The following ARB2A variants were observed in gnomAD, a reference collection of about 807,000 sequenced individuals.
The protein encoded by ARB2A is ARB2 cotranscriptional regulator A, also known as cotranscriptional regulator ARB2A.
chr5:93,798,407 C>T, the ARB2A span, among the ~76,000 whole-genome samples: 2 of 152,072 alleles, frequency 1.3e-5, no homozygotes, highest in Non-Finnish European at 2.9e-5. Flanking sequence ...ATTGATGCCA[C>T]TTTTTATTCA....
At chr5:94,088,593 T>A in the ARB2A span, among the ~76,000 whole-genome samples, 1 of 152,032 alleles carries the variant, frequency 6.6e-6, no homozygotes, top group African/African-American at 2.4e-5. Flanking sequence ...AGGCAGCAGA[T>A]ATCAGGAGTT....
At chr5:93,857,009 C>T in the ARB2A span, among the ~76,000 whole-genome samples, 1 of 152,132 alleles carries the variant, frequency 6.6e-6, no homozygotes, top group African/African-American at 2.4e-5. Context: ...CAGACAGGAC[C>T]CTCAGCTGCA....
the ARB2A span, among the ~76,000 whole-genome samples, chr5:93,977,927 A>G: frequency 1.3e-5 from 2 of 152,148 alleles, no homozygotes; most frequent in Non-Finnish European, 2.9e-5. Context: ...CAACCAAAAA[A>G]CAAATAACCT....
the ARB2A span, among the ~76,000 whole-genome samples, chr5:93,868,449 C>T: frequency 6.6e-6 from 1 of 152,158 alleles, no homozygotes; most frequent in Non-Finnish European, 1.5e-5. Context: ...ATTGATAAAG[C>T]CACAGTGTGC....
At chr5:94,029,400 A>G in the ARB2A span, among the ~76,000 whole-genome samples, 1 of 152,242 alleles carries the variant, frequency 6.6e-6, no homozygotes, top group African/African-American at 2.4e-5. Flanking sequence ...TGAAGAGACC[A>G]GGCCAATTAT....
At chr5:93,994,399 G>A in the ARB2A span, among the ~76,000 whole-genome samples, 1 of 152,168 alleles carries the variant, frequency 6.6e-6, no homozygotes, top group Non-Finnish European at 1.5e-5. Flanking sequence ...TATGCTAAGT[G>A]TAACAGGCCA....
At chr5:93,843,209 A>C in the ARB2A span, among the ~76,000 whole-genome samples, 1 of 152,172 alleles carries the variant, frequency 6.6e-6, no homozygotes, top group Non-Finnish European at 1.5e-5. Flanking sequence ...AGAGATTCCA[A>C]TTACTTTTTA....
chr5:93,984,449 T>C, the ARB2A span, among the ~76,000 whole-genome samples: 1 of 152,198 alleles, frequency 6.6e-6, no homozygotes, highest in African/African-American at 2.4e-5. Context: ...AGACTACAAC[T>C]ATACTTACGG....
At chr5:93,954,112 C>G in the ARB2A span, among the ~76,000 whole-genome samples, 1 of 152,154 alleles carries the variant, frequency 6.6e-6, no homozygotes, top group Non-Finnish European at 1.5e-5. Context: ...TGTTGGGGCT[C>G]TATCCCACTA....
the ARB2A span, among the ~76,000 whole-genome samples, chr5:93,915,302 T>C: frequency 6.6e-6 from 1 of 151,786 alleles, no homozygotes; most frequent in Non-Finnish European, 1.5e-5. Context: ...CTCAAAAATA[T>C]TTCTAGTAAA....
the ARB2A span, among the ~76,000 whole-genome samples, chr5:93,997,313 A>C: frequency 6.6e-6 from 1 of 152,052 alleles, no homozygotes; most frequent in African/African-American, 2.4e-5. Flanking sequence ...TGTCCAGTCT[A>C]TGTCAGTAGA....
the ARB2A span, among the ~76,000 whole-genome samples, chr5:94,019,902 G>C: frequency 6.6e-6 from 1 of 152,092 alleles, no homozygotes; most frequent in South Asian, 2.1e-4. Flanking sequence ...CTTCATCAAG[G>C]CACCAGTGTA....
the ARB2A span, among the ~76,000 whole-genome samples, chr5:93,921,917 C>G: frequency 6.6e-6 from 1 of 152,042 alleles, no homozygotes; most frequent in Non-Finnish European, 1.5e-5. Context: ...GACAATATCC[C>G]TAGCCATCCA....
At chr5:94,040,497 TC>T in the ARB2A span, among the ~76,000 whole-genome samples, 4 of 118,032 alleles carry the variant, frequency 3.4e-5, no homozygotes, top group Admixed American at 8.8e-5. Flanking sequence ...ATGCTATCCC[TC>T]CCCCCTCCCC....
the ARB2A span, among the ~76,000 whole-genome samples, chr5:93,813,700 A>AGG: frequency 6.6e-6 from 1 of 152,144 alleles, no homozygotes; most frequent in Non-Finnish European, 1.5e-5. Context: ...TAGAGCCTGG[A>AGG]TCTGCTGGTA....
chr5:93,681,066 T>C, the ARB2A span, among the ~76,000 whole-genome samples: 1 of 152,282 alleles, frequency 6.6e-6, no homozygotes, highest in African/African-American at 2.4e-5. Flanking sequence ...AATGTGTTAA[T>C]GTGTAGTGTA....
chr5:93,989,875 G>A, the ARB2A span, among the ~76,000 whole-genome samples: 4 of 152,154 alleles, frequency 2.6e-5, no homozygotes, highest in Non-Finnish European at 4.4e-5. Flanking sequence ...TCTGGGTAAG[G>A]AATTCCACTA....
chr5:93,666,185 AG>A, the ARB2A span, among the ~76,000 whole-genome samples: 1 of 152,258 alleles, frequency 6.6e-6, no homozygotes, highest in African/African-American at 2.4e-5. Flanking sequence ...ACAAGATACC[AG>A]GGTAGGTATC....
the ARB2A span, among the ~76,000 whole-genome samples, chr5:93,885,590 G>A: frequency 7.5e-4 from 113 of 151,616 alleles, no homozygotes; most frequent in East Asian, 1.5e-3. Flanking sequence ...CATACATAAA[G>A]TTGTTAATTA....
Sources: allele counts gnomAD v4.1 joint callset (sites outside exome capture counted in the v4.1 genomes callset), GRCh38; gene constraint gnomAD v4.1.1; transcripts MANE v1.5; gene names NCBI Gene and HGNC (gene_info 2026-07-23, HGNC 2026-07-21).